Variants in GAB2 observed in about 807,000 individuals in gnomAD.
GAB2 encodes GRB2-associated-binding protein 2.
GAB2 carries 26 observed loss-of-function variants against 65.5 expected under a neutral mutation model. The ratio of observed to expected loss-of-function variants is 0.40; its 90% confidence interval spans 0.29 to 0.55. The LOEUF is 0.55. GAB2 is among the 20% of genes least tolerant of loss of function. GAB2 has a pLI of 0.53. For synonymous variants in GAB2, 321 were observed against 329.6 expected (o/e 0.97, Z 0.28); for missense variants, 884 against 875.8 (o/e 1.01, Z -0.12).
intron 3 of GAB2, among the ~76,000 whole-genome samples, chr11:78,242,027 G>T (rs1865148266): frequency 6.6e-6 from 1 of 152,138 alleles, no homozygotes; most frequent in Non-Finnish European, 1.5e-5. Context: ...CATTCTATAG[G>T]ACAGACCTCA....
chr11:78,260,767 C>G (rs983777236), intron 2 of GAB2, among the ~76,000 whole-genome samples: 12 of 152,210 alleles, frequency 7.9e-5, no homozygotes, highest in African/African-American at 2.4e-4. Flanking sequence ...TCACCGCGCC[C>G]AGTCTATGCC....
intron 2 of GAB2, among the ~76,000 whole-genome samples, chr11:78,269,521 A>T (rs1377776184): frequency 6.6e-6 from 1 of 152,200 alleles, no homozygotes; most frequent in East Asian, 1.9e-4. Context: ...AGCTTGAATA[A>T]GAGGTCCTGA....
intron 3 of GAB2, among the ~76,000 whole-genome samples, chr11:78,248,532 T>C (rs972943658): frequency 3.3e-5 from 5 of 152,218 alleles, no homozygotes; most frequent in Non-Finnish European, 4.4e-5. Flanking sequence ...GTACTTTGCC[T>C]TTCACTACAA....
rs754199308 is a variant in GAB2 at position 78,280,824 on chromosome 11, G to A, written c.153C>T (p.Asn51=). 1.2e-5 allele frequency: 20 copies of A among 1,613,828 alleles called. No individual in the cohort carries two copies. Among genetic ancestry groups the A allele is most frequent in the Admixed American group, 5.0e-5 (3 of 59,994 alleles). Residue 51 remains asparagine, a synonymous_variant, in exon 2 of 10, where the codon AAC becomes AAT. Coordinates refer to ENST00000361507, the MANE Select transcript of GAB2 (RefSeq NM_080491.3). ...GDPDVLEYYK[N]DHSKKPLRII... The stretch of plus-strand genomic sequence containing the variant: ...TCCGCAGAGGCTTCTTGGAGTGATC[G>A]TTCTTGTAGTATTCCAGAACATCTG...
chr11:78,221,622 G>C, intron 8 of GAB2, 55 bp downstream of exon 8: 1 of 1,052,158 alleles, frequency 9.5e-7, no homozygotes, highest in African/African-American at 1.6e-5. Flanking sequence ...GGAACTGAGG[G>C]GTGGGTCCCA....
intron 2 of GAB2, among the ~76,000 whole-genome samples, chr11:78,255,683 C>T (rs1865577729): frequency 6.6e-6 from 1 of 152,158 alleles, no homozygotes; most frequent in African/African-American, 2.4e-5. Flanking sequence ...TTGTTTTGCT[C>T]ACTGAAAGCT....
intron 1 of GAB2, among the ~76,000 whole-genome samples, chr11:78,350,317 G>A (rs527815684): frequency 2.6e-5 from 4 of 152,282 alleles, no homozygotes; most frequent in South Asian, 4.1e-4. Flanking sequence ...CCTGGGTGCC[G>A]GGATTAACTC....
chr11:78,413,827 G>T (rs754981855), intron 1 of GAB2, among the ~76,000 whole-genome samples: 11 of 152,130 alleles, frequency 7.2e-5, no homozygotes, highest in Non-Finnish European at 1.3e-4. Context: ...GCTCATGTCT[G>T]TCTGTAATCC....
At chr11:78,343,747 T>G (rs1856138652) in intron 1 of GAB2, among the ~76,000 whole-genome samples, 1 of 152,154 alleles carries the variant, frequency 6.6e-6, no homozygotes. Flanking sequence ...AAGAAACAGG[T>G]GAAATTAATT....
At chr11:78,281,459 G>T (rs1866333198) in intron 1 of GAB2, among the ~76,000 whole-genome samples, 1 of 152,080 alleles carries the variant, frequency 6.6e-6, no homozygotes, top group East Asian at 1.9e-4. Context: ...TGGTCAGGCG[G>T]GTCTCGAACT....
At chr11:78,347,203 C>T (rs73500942) in intron 1 of GAB2, among the ~76,000 whole-genome samples, 13,027 of 152,162 alleles carry the variant, frequency 0.086, 1,726 homozygotes, top group African/African-American at 0.29. Context: ...GAGATACAGA[C>T]CTAAGCAAAT....
chr11:78,404,742 T>C (rs370983814), intron 1 of GAB2, among the ~76,000 whole-genome samples: 2 of 152,146 alleles, frequency 1.3e-5, no homozygotes, highest in African/African-American at 4.8e-5. Context: ...ATAACGATTA[T>C]CAGATACTGG....
intron 1 of GAB2, among the ~76,000 whole-genome samples, chr11:78,380,924 A>T (rs1856689721): frequency 6.6e-6 from 1 of 152,120 alleles, no homozygotes; most frequent in East Asian, 1.9e-4. Context: ...CTGGTCTTGT[A>T]TGGGAAATGT....
In GAB2 at chr11:78,250,396, G is replaced by C; in HGVS notation, c.381C>G (p.Ser127=). ...GACCGGCTGAGGAAACATTTCTCAG[G>C]GAGTCTGAAAAGGAGAAATAGCTCT... ...GFNQAEESTD[S]LRNVSSAGHG... is the part of the protein sequence containing the mutation. Residue 127 remains serine, a synonymous_variant, in exon 3 of 10, where the codon TCC becomes TCG. Transcript: ENST00000361507. 1 of 1,612,654 alleles carries C rather than the reference G, an allele frequency of 6.2e-7. No individual in the cohort carries two copies. Among genetic ancestry groups the C allele is most frequent in the Non-Finnish European group, 8.5e-7 (1 of 1,178,894 alleles).
intron 1 of GAB2, among the ~76,000 whole-genome samples, chr11:78,413,476 A>G (rs1352390582): frequency 6.6e-6 from 1 of 152,156 alleles, no homozygotes; most frequent in Non-Finnish European, 1.5e-5. Flanking sequence ...TAAAATGAGG[A>G]GTAAAAAATC....
At chr11:78,365,958 C>G (rs1413267603) in intron 1 of GAB2, among the ~76,000 whole-genome samples, 1 of 152,226 alleles carries the variant, frequency 6.6e-6, no homozygotes, top group Non-Finnish European at 1.5e-5. Flanking sequence ...CAGCCATTAA[C>G]TGCTGTGTAA....
chr11:78,386,982 CAT>C (rs1856776422), intron 1 of GAB2, among the ~76,000 whole-genome samples: 1 of 152,206 alleles, frequency 6.6e-6, no homozygotes, highest in African/African-American at 2.4e-5. Context: ...ATCAAAATGA[CAT>C]GTTTTGTTAG....
intron 1 of GAB2, among the ~76,000 whole-genome samples, chr11:78,397,602 A>G (rs1339868451): frequency 6.6e-6 from 1 of 152,250 alleles, no homozygotes; most frequent in Non-Finnish European, 1.5e-5. Context: ...CAGATTACCC[A>G]CAAGTAAAAT....
At chr11:78,369,616 C>G (rs899345203) in intron 1 of GAB2, among the ~76,000 whole-genome samples, 2 of 152,128 alleles carry the variant, frequency 1.3e-5, no homozygotes, top group Non-Finnish European at 2.9e-5. Flanking sequence ...AAGGTAGTAT[C>G]TGAATAAAAA....
Sources: gnomAD v4.1 joint callset for allele counts (sites outside exome capture counted in the v4.1 genomes callset) on GRCh38, gnomAD v4.1.1 for gene constraint, MANE v1.5 for transcripts, NCBI Gene and HGNC (gene_info 2026-07-23, HGNC 2026-07-21) for gene names.